SVIL: variants seen among roughly 807,000 people sequenced by gnomAD.
SVIL encodes the protein archvillin.
In SVIL, 101 loss-of-function variants were observed where a neutral mutation model predicts 240.4. The ratio of observed to expected loss-of-function variants is 0.42; its 90% CI spans 0.36 to 0.50. The LOEUF is 0.50. Ranked by LOEUF, SVIL falls within the 20% of genes least tolerant of loss-of-function variation. SVIL has a pLI of 0.01. For missense variants in SVIL, 2,512 were observed against 2,818.7 expected, an observed-to-expected ratio of 0.89 and a Z score of 2.46; for synonymous variants, 999 against 1,100.0, an observed-to-expected ratio of 0.91 and a Z score of 1.82.
intron 1 of SVIL, among the ~76,000 whole-genome samples, chr10:29,585,612 A>T (rs1021968046): frequency 1.3e-4 from 20 of 152,354 alleles, no homozygotes; most frequent in African/African-American, 4.8e-4. Context: ...ACACCAGCAG[A>T]GCTGAGCCAG....
At chr10:29,492,290 T>G (rs527996180) in intron 21 of SVIL, among the ~76,000 whole-genome samples, 105 of 152,062 alleles carry the variant, frequency 6.9e-4, no homozygotes, top group African/African-American at 2.3e-3. Flanking sequence ...AACTTCTGCT[T>G]GGACTACTGG....
At chr10:29,564,177 T>C (rs3758372) in intron 2 of SVIL, among the ~76,000 whole-genome samples, 83,852 of 151,990 alleles carry the variant, frequency 0.55, 23,779 homozygotes, top group African/African-American at 0.69. Flanking sequence ...AACTCAAAGT[T>C]GGGAGAGAGG....
intron 18 of SVIL, among the ~76,000 whole-genome samples, 170 bp from the exon 19 acceptor site, chr10:29,495,351 C>A (rs1250222439): frequency 2.7e-5 from 4 of 150,710 alleles, no homozygotes; most frequent in Non-Finnish European, 5.9e-5. Flanking sequence ...GTGGGACAAC[C>A]AACTGCAAAC....
intron 3 of SVIL, among the ~76,000 whole-genome samples, chr10:29,641,573 T>G (rs1162761738): frequency 1.3e-5 from 2 of 151,574 alleles, no homozygotes; most frequent in African/African-American, 4.8e-5. Context: ...CATCTCAAAA[T>G]AAATAAATAA....
intron 1 of SVIL, among the ~76,000 whole-genome samples, chr10:29,619,038 T>C (rs968714838): frequency 1.3e-5 from 2 of 152,302 alleles, no homozygotes; most frequent in African/African-American, 4.8e-5. Context: ...ATCGAACCCC[T>C]GAACGGAAAG....
intron 13 of SVIL, among the ~76,000 whole-genome samples, chr10:29,525,828 G>A (rs1346379010): frequency 1.3e-5 from 2 of 152,142 alleles, no homozygotes; most frequent in Admixed American, 6.5e-5. Context: ...CCAGGCCAAA[G>A]AGTAGCCAGC....
Position 29,593,228 on chromosome 10 carries a change from A to G in SVIL, c.-200-23916T>C, listed in dbSNP as rs1056118610. On this transcript the variant is annotated intron_variant, in intron 1 of 37. Coordinates refer to ENST00000355867, the MANE Select transcript of SVIL (RefSeq NM_021738.3). ...ACGCAATACTTCATTAACATTTTACACTATTATAAAAGTACACACAAGACA... is the reference window on the plus strand; with the variant it reads ...ACGCAATACTTCATTAACATTTTACGCTATTATAAAAGTACACACAAGACA... Among the ~76,000 whole-genome samples, 7 of 152,240 alleles carry G rather than the reference A, an allele frequency of 4.6e-5. No homozygotes were observed. The East Asian group carries it at 1.2e-3, about 25-fold the overall frequency.
intron 1 of SVIL, among the ~76,000 whole-genome samples, chr10:29,582,706 T>G (rs1168144971): frequency 1.3e-5 from 2 of 151,060 alleles, no homozygotes; most frequent in Non-Finnish European, 2.9e-5. Context: ...CACTCCAGCC[T>G]GGGTGACAGA....
chr10:29,680,129 G>A (rs1385226358), intron 2 of SVIL, among the ~76,000 whole-genome samples: 1 of 152,192 alleles, frequency 6.6e-6, no homozygotes, highest in South Asian at 2.1e-4. Flanking sequence ...AGGCTGCAGT[G>A]AGCCGTGACT....
rs190305477 is a variant in SVIL at position 29,478,461 on chromosome 10, C to T, written c.5377+2076G>A. Among the ~76,000 whole-genome samples the T allele has an allele frequency of 6.6e-5, 10 of 152,278 alleles. No homozygotes were observed. The East Asian group carries it at 1.5e-3, about 23-fold the overall frequency. ...AGTCCTGTGAGCTGAGTACTATAAT[C>T]CCTATTTTCCAGGTGAGAAAACCAA... On this transcript the variant is annotated intron_variant, in intron 29 of 37. Transcript: ENST00000355867.
At chr10:29,477,836 T>C (rs1181993098) in intron 29 of SVIL, among the ~76,000 whole-genome samples, 1 of 152,108 alleles carries the variant, frequency 6.6e-6, no homozygotes, top group Non-Finnish European at 1.5e-5. Context: ...TGGGAAGAAA[T>C]ATAGAAAGGA....
chr10:29,575,598 C>T (rs1490807742), intron 1 of SVIL, among the ~76,000 whole-genome samples: 1 of 152,220 alleles, frequency 6.6e-6, no homozygotes, highest in Non-Finnish European at 1.5e-5. Flanking sequence ...AAGACCCTTG[C>T]TCTCTTTCTC....
chr10:29,558,075 T>C (rs1954103148), intron 3 of SVIL, among the ~76,000 whole-genome samples: 1 of 152,206 alleles, frequency 6.6e-6, no homozygotes, highest in Non-Finnish European at 1.5e-5. Flanking sequence ...CCATTGAGAA[T>C]CACTGATTCC....
At chr10:29,490,735 G>T in intron 22 of SVIL, 112 bp downstream of exon 22, 4 of 1,298,902 alleles carry the variant, frequency 3.1e-6, no homozygotes, top group Non-Finnish European at 4.3e-6. Context: ...CTTCATGAGG[G>T]TCTTCTGAGC....
chr10:29,645,993 C>T (rs1247459), intron 3 of SVIL, among the ~76,000 whole-genome samples: 1 of 152,054 alleles, frequency 6.6e-6, no homozygotes, highest in Non-Finnish European at 1.5e-5. Flanking sequence ...CTTCAGCTTA[C>T]GCTTGTACCC....
At chr10:29,539,443 A>C (rs1375757698) in intron 6 of SVIL, among the ~76,000 whole-genome samples, 1 of 152,234 alleles carries the variant, frequency 6.6e-6, no homozygotes, top group Admixed American at 6.5e-5. Flanking sequence ...GGAGTGATCT[A>C]GAAAAGCATT....
intron 1 of SVIL, among the ~76,000 whole-genome samples, chr10:29,584,068 C>T (rs370566469): frequency 5.5e-4 from 84 of 152,228 alleles, no homozygotes; most frequent in Middle Eastern, 3.4e-3. Context: ...GTGAGTGTGA[C>T]GAAGGAAGGC....
At chr10:29,626,092 G>A (rs1316609487) in intron 1 of SVIL, among the ~76,000 whole-genome samples, 3 of 152,138 alleles carry the variant, frequency 2.0e-5, no homozygotes, top group African/African-American at 4.8e-5. Context: ...TTGTAGTTAC[G>A]AGTAAGTTCT....
intron 36 of SVIL, chr10:29,458,838 A>G: frequency 7.9e-6 from 2 of 252,598 alleles, no homozygotes; most frequent in South Asian, 6.7e-5. Flanking sequence ...ACAAGGTCTC[A>G]CTCTGCTACT....
Sources: gnomAD v4.1 joint callset for allele counts (sites outside exome capture counted in the v4.1 genomes callset) on GRCh38, gnomAD v4.1.1 for gene constraint, MANE v1.5 for transcripts, NCBI Gene and HGNC (gene_info 2026-07-23, HGNC 2026-07-21) for gene names.